The following ANO3 variants were observed in gnomAD, a reference collection of about 807,000 sequenced individuals.
The protein encoded by ANO3 is anoctamin-3.
A neutral mutation model predicts 144.8 loss-of-function variants in ANO3; 99 were observed. That is an observed-to-expected ratio of 0.68 (90% CI 0.58 to 0.81). The LOEUF is 0.81. Among genes scored for constraint, ANO3 ranks in the 30% least tolerant of loss-of-function variants. The pLI is 0.00. For missense variants in ANO3, 905 were observed against 1,202.2 expected, an observed-to-expected ratio of 0.75 and a Z score of 3.66; for synonymous variants, 414 against 392.6, an observed-to-expected ratio of 1.05 and a Z score of -0.64.
At chr11:26,351,661 A>C (rs996227376) in intron 1 of ANO3, among the ~76,000 whole-genome samples, 9 of 152,212 alleles carry the variant, frequency 5.9e-5, no homozygotes, top group African/African-American at 1.9e-4. Flanking sequence ...AATTGGTTAT[A>C]GCATGGTGTT....
chr11:26,375,085 T>A (rs960726819), intron 1 of ANO3, among the ~76,000 whole-genome samples: 1 of 152,202 alleles, frequency 6.6e-6, no homozygotes, highest in Non-Finnish European at 1.5e-5. Flanking sequence ...CTCATCATAA[T>A]GTAGAATCAG....
intron 18 of ANO3, among the ~76,000 whole-genome samples, chr11:26,625,483 T>C (rs754557704): frequency 6.6e-6 from 1 of 152,214 alleles, no homozygotes; most frequent in Non-Finnish European, 1.5e-5. Context: ...AATTAATCGT[T>C]AGTCTTCACA....
chr11:26,223,606 A>T (rs867484890), intron 1 of ANO3, among the ~76,000 whole-genome samples: 2,580 of 151,290 alleles, frequency 0.017, 90 homozygotes, highest in African/African-American at 0.06. Flanking sequence ...TTTTAATAAA[A>T]AAAAAAAAAA....
Position 26,482,125 on chromosome 11 carries a change from T to C in ANO3, c.432+18977T>C, listed in dbSNP as rs1045279094. Reference sequence around the variant, plus strand: ...GTTGCCCAGTCTGGTCCCAACCTCCTGGGCTCAAGTGATCCTCCCACTGCA... The same window carrying C: ...GTTGCCCAGTCTGGTCCCAACCTCCCGGGCTCAAGTGATCCTCCCACTGCA... On this transcript the variant is annotated intron_variant, in intron 4 of 26. Coordinates refer to ENST00000256737, the MANE Select transcript of ANO3 (RefSeq NM_031418.4). 2.0e-5 allele frequency among the ~76,000 whole-genome samples: 3 copies of C among 152,178 alleles called. No homozygotes were observed. The East Asian group carries it at 5.8e-4, about 29-fold the overall frequency.
upstream of ANO3, among the ~76,000 whole-genome samples, chr11:26,327,343 G>T (rs1219387840): frequency 6.6e-6 from 1 of 152,126 alleles, no homozygotes. Flanking sequence ...TTATGAAAAT[G>T]CCATTAAGTG....
At chr11:26,498,138 T>G (rs970272627) in intron 4 of ANO3, among the ~76,000 whole-genome samples, 1 of 152,052 alleles carries the variant, frequency 6.6e-6, no homozygotes, top group Non-Finnish European at 1.5e-5. Context: ...ACCAGTTCAA[T>G]TTAATATCTC....
chr11:26,338,620 G>C (rs146258482), intron 1 of ANO3, among the ~76,000 whole-genome samples: 1 of 152,122 alleles, frequency 6.6e-6, no homozygotes, highest in Admixed American at 6.6e-5. Context: ...CTTTGGGTCC[G>C]CACTACCTTT....
chr11:26,239,151 T>A lies in ANO3; in HGVS notation c.154+49821T>A, dbSNP rs181248705. On this transcript the variant is annotated intron_variant, in intron 1 of 27. Coordinates refer to the ANO3 transcript ENST00000672621. ...TACCTAATAAAAATTATATTACATA[T>A]TTATAAATGCAGACACATTATTAAA... 3.1e-3 allele frequency among the ~76,000 whole-genome samples: 476 copies of A among 151,766 alleles called. 2 individuals are homozygous for A. The highest frequency in any genetic ancestry group is 5.1e-3 in the Non-Finnish European group (348 of 67,894).
intron 1 of ANO3, among the ~76,000 whole-genome samples, chr11:26,311,951 T>G (rs1387454783): frequency 3.3e-5 from 5 of 152,214 alleles, no homozygotes; most frequent in Non-Finnish European, 1.5e-5. Flanking sequence ...CTGCACCCAT[T>G]AACTGGTCAT....
chr11:26,537,664 C>A (rs929789989), intron 10 of ANO3, among the ~76,000 whole-genome samples: 3 of 152,158 alleles, frequency 2.0e-5, no homozygotes, highest in Non-Finnish European at 4.4e-5. Flanking sequence ...TTGCCCCATA[C>A]TGGGAATCCC....
At chr11:26,311,909 T>C (rs1201874186) in intron 1 of ANO3, among the ~76,000 whole-genome samples, 1 of 152,228 alleles carries the variant, frequency 6.6e-6, no homozygotes, top group Non-Finnish European at 1.5e-5. Context: ...TGCAGGTTTG[T>C]TAAATACGTA....
intron 14 of ANO3, among the ~76,000 whole-genome samples, chr11:26,570,476 C>T (rs1850779488): frequency 6.6e-6 from 1 of 152,050 alleles, no homozygotes; most frequent in Non-Finnish European, 1.5e-5. Context: ...AAGGAGATGT[C>T]CTGGTTTATG....
At chr11:26,624,964 C>G (rs142908413) in intron 18 of ANO3, among the ~76,000 whole-genome samples, 2 of 151,690 alleles carry the variant, frequency 1.3e-5, no homozygotes, top group Non-Finnish European at 2.9e-5. Flanking sequence ...CTCAGTCGCC[C>G]AGAGTGGAGT....
intron 14 of ANO3, among the ~76,000 whole-genome samples, chr11:26,564,196 A>C (rs1448143760): frequency 6.6e-6 from 1 of 151,756 alleles, no homozygotes; most frequent in African/African-American, 2.4e-5. Context: ...GATAGACAAA[A>C]GAGAGGAAGC....
intron 1 of ANO3, among the ~76,000 whole-genome samples, chr11:26,336,768 CA>C (rs1426195439): frequency 6.6e-6 from 1 of 152,074 alleles, no homozygotes; most frequent in African/African-American, 2.4e-5. Flanking sequence ...GCCATTTATA[CA>C]GTGACAAAAT....
chr11:26,360,274 T>C (rs1455867487), intron 1 of ANO3, among the ~76,000 whole-genome samples: 1 of 150,556 alleles, frequency 6.6e-6, no homozygotes, highest in Non-Finnish European at 1.5e-5. Flanking sequence ...CACTTTGCAG[T>C]CTTTCTTAAA....
intron 1 of ANO3, among the ~76,000 whole-genome samples, chr11:26,322,998 T>A (rs1256757050): frequency 6.6e-6 from 1 of 152,166 alleles, no homozygotes; most frequent in Non-Finnish European, 1.5e-5. Context: ...TAATACAATA[T>A]TACTTCATTT....
intron 4 of ANO3, chr11:26,473,998 G>A (rs1274628152): frequency 8.1e-6 from 8 of 984,988 alleles, no homozygotes; most frequent in Non-Finnish European, 9.6e-6. Context: ...CTAGTTAATG[G>A]AAAAAGCAGG....
At chr11:26,653,076 A>G (rs1438596352) in intron 24 of ANO3, among the ~76,000 whole-genome samples, 1 of 152,094 alleles carries the variant, frequency 6.6e-6, no homozygotes, top group Non-Finnish European at 1.5e-5. Flanking sequence ...TGGACTTATT[A>G]TCTTCTGTAT....
Sources: allele counts gnomAD v4.1 joint callset (sites outside exome capture counted in the v4.1 genomes callset), GRCh38; gene constraint gnomAD v4.1.1; transcripts MANE v1.5; gene names NCBI Gene and HGNC (gene_info 2026-07-23, HGNC 2026-07-21).